Variants in PRSS23 observed in about 807,000 individuals in gnomAD.
PRSS23 encodes the protein protease, serine 23.
A neutral mutation model predicts 34.7 loss-of-function variants in PRSS23; 25 were observed. The ratio of observed to expected loss-of-function variants is 0.72; its 90% CI spans 0.53 to 1.01. The LOEUF is 1.01. Among genes scored for constraint, PRSS23 ranks in the 50% least tolerant of loss-of-function variants. PRSS23 has a pLI of 0.00. For missense variants in PRSS23, 445 were observed against 475.6 expected (o/e 0.94, Z 0.60); for synonymous variants, 176 against 186.6 (o/e 0.94, Z 0.46).
At chr11:86,822,621 A>T (rs1203746630) in intron 1 of PRSS23, among the ~76,000 whole-genome samples, 2 of 99,462 alleles carry the variant, frequency 2.0e-5, no homozygotes, top group Non-Finnish European at 4.1e-5. Context: ...GAACCTGACT[A>T]AAAAAAAAAA....
At chr11:86,832,955 G>A (rs1263201555) in intron 2 of PRSS23, 2 of 374,178 alleles carry the variant, frequency 5.3e-6, no homozygotes, top group South Asian at 4.5e-5. Flanking sequence ...CTTGATGCAG[G>A]TCATTTGTAA....
intron 2 of PRSS23, chr11:86,833,096 A>G (rs1219194509): frequency 4.5e-5 from 28 of 615,688 alleles, no homozygotes; most frequent in Non-Finnish European, 7.3e-5. Context: ...CAAACCGGTC[A>G]TAGGCCCTCA....
chr11:86,879,551 G>T (rs1373902147), intron 2 of PRSS23, among the ~76,000 whole-genome samples: 2 of 136,978 alleles, frequency 1.5e-5, no homozygotes, highest in African/African-American at 5.5e-5. Flanking sequence ...GGAGGTGGGG[G>T]GGTCAGCCCC....
At chr11:86,842,613 C>G (rs1363393959) in intron 2 of PRSS23, among the ~76,000 whole-genome samples, 4 of 152,186 alleles carry the variant, frequency 2.6e-5, no homozygotes, top group Non-Finnish European at 5.9e-5. Flanking sequence ...GCAAAAATGA[C>G]AAGCATTCCT....
At chr11:86,866,969 G>A (rs970129827) in intron 2 of PRSS23, among the ~76,000 whole-genome samples, 12 of 152,134 alleles carry the variant, frequency 7.9e-5, no homozygotes, top group African/African-American at 2.9e-4. Flanking sequence ...GCCAAGTAAG[G>A]CCTTTTCCTT....
At chr11:86,803,225 T>A (rs1293474548) in intron 1 of PRSS23, among the ~76,000 whole-genome samples, 2 of 152,286 alleles carry the variant, frequency 1.3e-5, no homozygotes, top group Non-Finnish European at 2.9e-5. Context: ...GGTAAAAGGG[T>A]GAGATTTGAA....
At chr11:86,800,957 C>G (rs1948029802) in intron 1 of PRSS23, among the ~76,000 whole-genome samples, 1 of 152,156 alleles carries the variant, frequency 6.6e-6, no homozygotes, top group South Asian at 2.1e-4. Flanking sequence ...AGAGAGCCGG[C>G]TCTCGGCAAG....
At position 86,808,295 on chromosome 11, in the gene PRSS23, A is replaced by G; in HGVS notation, c.652A>G (p.Lys218Glu). The change falls in exon 2 of 2, where the codon AAA becomes GAA. Residue 218 changes from lysine (K) to glutamate (E), a missense_variant. By Grantham distance (56) the Lys-to-Glu change is moderately conservative. Coordinates refer to ENST00000280258, the MANE Select transcript of PRSS23 (RefSeq NM_007173.6). ...DSTSAMPEQM[K>E]FQWIRVKRTH... ...CACTTCAGCCATGCCCGAGCAGATGAAATTTCAGTGGATCCGGGTGAAACG... is the reference window on the plus strand; with the variant it reads ...CACTTCAGCCATGCCCGAGCAGATGGAATTTCAGTGGATCCGGGTGAAACG... 6.2e-7 allele frequency: 1 copy of G among 1,614,156 alleles called. No homozygotes were observed. The highest frequency in any genetic ancestry group is 8.5e-7 in the Non-Finnish European group (1 of 1,180,048).
intron 2 of PRSS23, among the ~76,000 whole-genome samples, chr11:86,926,350 C>T (rs955036061): frequency 7.2e-5 from 11 of 152,020 alleles, no homozygotes; most frequent in Non-Finnish European, 7.4e-5. Flanking sequence ...GTGACAAGAA[C>T]GAGACTGCAT....
intron 2 of PRSS23, among the ~76,000 whole-genome samples, chr11:86,942,029 CATAA>C (rs1386185756): frequency 1.5e-4 from 23 of 152,168 alleles, no homozygotes; most frequent in African/African-American, 5.6e-4. Flanking sequence ...TCTGACGGTA[CATAA>C]ATAGACAACT....
intron 2 of PRSS23, among the ~76,000 whole-genome samples, chr11:86,938,633 AAAG>A (rs1949180420): frequency 6.6e-6 from 1 of 152,024 alleles, no homozygotes; most frequent in Non-Finnish European, 1.5e-5. Flanking sequence ...GTTTGGACAT[AAAG>A]AAGAATATCA....
At chr11:86,885,664 C>G (rs1948797882) in intron 2 of PRSS23, among the ~76,000 whole-genome samples, 1 of 152,230 alleles carries the variant, frequency 6.6e-6, no homozygotes, top group African/African-American at 2.4e-5. Context: ...GTGCCTCCAG[C>G]CTGCTGATCT....
At chr11:86,831,314 T>G (rs1301371839) in intron 2 of PRSS23, among the ~76,000 whole-genome samples, 3 of 152,038 alleles carry the variant, frequency 2.0e-5, no homozygotes, top group Non-Finnish European at 4.4e-5. Context: ...ATAGCGGGTT[T>G]ACACCTTTTT....
chr11:86,834,553 T>TTTTCC (rs71274421), intron 2 of PRSS23, among the ~76,000 whole-genome samples: 1,500 of 80,964 alleles, frequency 0.019, 45 homozygotes, highest in Middle Eastern at 0.063. Context: ...TTCCTTTCCT[T>TTTTCC]TTTCCTTTCC....
At chr11:86,856,019 T>G (rs1475419954) in intron 2 of PRSS23, among the ~76,000 whole-genome samples, 1 of 152,214 alleles carries the variant, frequency 6.6e-6, no homozygotes, top group East Asian at 1.9e-4. Context: ...ATTTTAAAAA[T>G]GTCTCAGAAT....
At chr11:86,948,896 T>A (rs1352507638) in intron 2 of PRSS23, 2 of 152,460 alleles carry the variant, frequency 1.3e-5, no homozygotes, top group African/African-American at 4.8e-5. Context: ...TGGGCCAGAG[T>A]CCCTGCACAA....
chr11:86,863,164 G>A (rs1948627590), intron 2 of PRSS23, among the ~76,000 whole-genome samples: 1 of 151,910 alleles, frequency 6.6e-6, no homozygotes, highest in African/African-American at 2.4e-5. Context: ...ATCACACTTG[G>A]TGTACACTCT....
chr11:86,900,936 C>G (rs11604559), intron 2 of PRSS23, among the ~76,000 whole-genome samples: 1 of 151,930 alleles, frequency 6.6e-6, no homozygotes, highest in East Asian at 1.9e-4. Context: ...AGGCACCCAC[C>G]ACCACACCTA....
chr11:86,893,969 G>A (rs1363949185), intron 2 of PRSS23, among the ~76,000 whole-genome samples: 1 of 152,096 alleles, frequency 6.6e-6, no homozygotes, highest in African/African-American at 2.4e-5. Flanking sequence ...GTAAAGGGGG[G>A]AATCAATTCA....
Sources: allele counts gnomAD v4.1 joint callset (sites outside exome capture counted in the v4.1 genomes callset), GRCh38; gene constraint gnomAD v4.1.1; transcripts MANE v1.5; gene names NCBI Gene and HGNC (gene_info 2026-07-23, HGNC 2026-07-21).